Variants in LUC7L3 observed in about 807,000 individuals in gnomAD.
LUC7L3 encodes the protein luc7-like protein 3.
A neutral mutation model predicts 66.8 loss-of-function variants in LUC7L3; 6 were observed. The ratio of observed to expected loss-of-function variants is 0.09; its 90% CI spans 0.05 to 0.18. The LOEUF (loss-of-function observed/expected upper bound fraction) is 0.18. Ranked by LOEUF, LUC7L3 falls within the 10% of genes least tolerant of loss-of-function variation. The pLI is 1.00. For missense variants in LUC7L3, 341 were observed against 531.1 expected, an observed-to-expected ratio of 0.64 and a Z score of 3.52; for synonymous variants, 160 against 174.7, an observed-to-expected ratio of 0.92 and a Z score of 0.66.
chr17:50,725,834 C>T (rs759700306), intron 1 of LUC7L3, among the ~76,000 whole-genome samples: 1 of 152,094 alleles, frequency 6.6e-6, no homozygotes, highest in Non-Finnish European at 1.5e-5. Context: ...AAAATACATA[C>T]GAATCATAAA....
At position 50,743,810 on chromosome 17, in the gene LUC7L3, G is replaced by C. The variant is rs1463673391; in HGVS notation, c.531G>C (p.Ser177=). ...EERELLRSTT[S]TIESFAAQEK... The stretch of plus-strand genomic sequence containing the variant: ...GAGAACTGCTAAGGTCCACAACGTC[G>C]GTGAGTAAACCTTATTTCACATTAT... The change falls in exon 6 of 10, where the codon TCG becomes TCC. Residue 177 remains serine (S), a splice_region_variant and synonymous_variant. Coordinates refer to ENST00000505658, the MANE Select transcript of LUC7L3 (RefSeq NM_016424.5). 1 of 1,602,248 alleles carries C rather than the reference G, an allele frequency of 6.2e-7. No homozygotes were observed. The highest frequency in any genetic ancestry group is 8.5e-7 in the Non-Finnish European group (1 of 1,170,498).
chr17:50,744,518 C>A, intron 6 of LUC7L3, 134 bp from the exon 7 acceptor site: 1 of 769,936 alleles, frequency 1.3e-6, no homozygotes, highest in South Asian at 2.0e-5. Flanking sequence ...CACTTGTAGT[C>A]CAATATTACT....
chr17:50,745,849 G>A lies in LUC7L3; in HGVS notation c.823G>A (p.Glu275Lys), dbSNP rs2146769675. Residue 275 changes from glutamate to lysine, a missense_variant, in exon 8 of 10, where the codon GAA becomes AAA. By Grantham distance (56) the Glu-to-Lys change is moderately conservative. This residue lies in a region of LUC7L3 where 210 missense variants were observed against 238.1 expected (regional missense o/e 0.88). Transcript: ENST00000505658. The part of the protein sequence containing the change: ...REERERKRRR[E>K]EEEREKERAR... ...AGAAAGAGAAAGGAAAAGACGAAGG[G>A]AAGAGGAAGAAAGAGAAAAAGAAAG... 6.3e-7 allele frequency: 1 copy of A among 1,591,834 alleles called. No individual in the cohort carries two copies. Among genetic ancestry groups the A allele is most frequent in the Non-Finnish European group, 8.6e-7 (1 of 1,163,726 alleles).
At chr17:50,743,425 T>C (rs574775011) in intron 5 of LUC7L3, among the ~76,000 whole-genome samples, 52 of 152,058 alleles carry the variant, frequency 3.4e-4, no homozygotes, top group South Asian at 1.5e-3. Flanking sequence ...AGGCTGGTCT[T>C]GAATTCCTGA....
At chr17:50,720,474 C>G (rs1233755064) in intron 1 of LUC7L3, among the ~76,000 whole-genome samples, 6 of 152,202 alleles carry the variant, frequency 3.9e-5, no homozygotes, top group African/African-American at 1.4e-4. Context: ...ACCCCAGTTT[C>G]ACTGGTGAGA....
intron 1 of LUC7L3, among the ~76,000 whole-genome samples, chr17:50,733,269 A>G (rs959485171): frequency 2.0e-5 from 3 of 150,944 alleles, no homozygotes; most frequent in African/African-American, 7.3e-5. Flanking sequence ...TTTGAGACAG[A>G]GTCTCGCTCT....
At chr17:50,727,743 T>C (rs1261009668) in intron 1 of LUC7L3, among the ~76,000 whole-genome samples, 1 of 152,166 alleles carries the variant, frequency 6.6e-6, no homozygotes. Context: ...AAATTTTAAA[T>C]AGTATTGTAG....
chr17:50,736,600 C>A, intron 1 of LUC7L3: 1 of 197,640 alleles, frequency 5.1e-6, no homozygotes, highest in Non-Finnish European at 1.0e-5. Context: ...GTAAATAGGC[C>A]CTAATCTATG....
intron 1 of LUC7L3, among the ~76,000 whole-genome samples, chr17:50,730,230 C>G (rs1354645361): frequency 6.6e-6 from 1 of 151,872 alleles, no homozygotes; most frequent in African/African-American, 2.4e-5. Flanking sequence ...CCTCAGCCTC[C>G]CAAAGTGCTG....
At chr17:50,728,600 C>T (rs528455709) in intron 1 of LUC7L3, among the ~76,000 whole-genome samples, 49 of 152,168 alleles carry the variant, frequency 3.2e-4, no homozygotes, top group Admixed American at 6.5e-4. Flanking sequence ...TTGTCTAGGC[C>T]GGAGTGCAGT....
intron 1 of LUC7L3, among the ~76,000 whole-genome samples, chr17:50,731,891 C>T (rs1166732816): frequency 2.6e-5 from 4 of 152,120 alleles, no homozygotes; most frequent in African/African-American, 9.7e-5. Context: ...GACAGGTCTA[C>T]GGAAACCTAC....
chr17:50,722,329 C>G (rs545475221), intron 1 of LUC7L3: 34 of 151,318 alleles, frequency 2.2e-4, no homozygotes, highest in African/African-American at 6.6e-4. Context: ...TCCCCAGTAG[C>G]TGGAACTACA....
intron 1 of LUC7L3, among the ~76,000 whole-genome samples, chr17:50,736,108 G>A (rs1969969597): frequency 6.6e-6 from 1 of 152,206 alleles, no homozygotes; most frequent in Non-Finnish European, 1.5e-5. Flanking sequence ...GCTCTAGCCT[G>A]GGCAACAGAG....
Position 50,751,472 on chromosome 17 carries a change from C to A in LUC7L3, c.*811C>A. 1 of 1,219,296 alleles carries A rather than the reference C, an allele frequency of 8.2e-7. No homozygotes were observed. 75.5% of individuals were successfully genotyped at this position (1,219,296 alleles called of 1,614,324 possible). On this transcript the variant is annotated 3_prime_UTR_variant, in exon 10 of 10. Transcript: ENST00000505658. ...TCTTTTTTGTTCTTTACAAGAAGTG[C>A]AGAGGGGTTTTTTGTGTATTGCGTG...
intron 9 of LUC7L3, chr17:50,749,457 G>GGTA (rs1970871061): frequency 1.1e-6 from 1 of 918,350 alleles, no homozygotes; most frequent in Non-Finnish European, 1.4e-6. Flanking sequence ...CAAGTGTTAC[G>GGTA]GACTAAATAT....
Position 50,750,609 on chromosome 17 carries a change from T to C in LUC7L3, c.1247T>C (p.Val416Ala). ...ESKESDTKNE[V>A]NGTSEDIKSE... ...AAGGAAAGTGATACTAAGAATGAGGTCAATGGGACCAGTGAAGACATTAAA... is the reference window on the plus strand; with the variant it reads ...AAGGAAAGTGATACTAAGAATGAGGCCAATGGGACCAGTGAAGACATTAAA... Residue 416 changes from valine (V) to alanine (A), a missense_variant, in exon 10 of 10, where the codon GTC (valine) becomes GCC (alanine). Physicochemically the swap from Val to Ala is moderately conservative, Grantham distance 64. This residue lies in a region of LUC7L3 where 210 missense variants were observed against 238.1 expected (regional missense o/e 0.88). Coordinates refer to ENST00000505658, the MANE Select transcript of LUC7L3 (RefSeq NM_016424.5). 6.2e-7 allele frequency: 1 copy of C among 1,613,938 alleles called. No individual in the cohort carries two copies. Among genetic ancestry groups the C allele is most frequent in the African/African-American group, 1.3e-5 (1 of 74,976 alleles).
intron 2 of LUC7L3, chr17:50,737,429 G>A (rs189799087): frequency 9.9e-4 from 425 of 427,612 alleles, no homozygotes; most frequent in African/African-American, 7.9e-3. Context: ...AAACAGAAGC[G>A]AGTGTTTGAT....
Position 50,755,453 on chromosome 17 carries a change from C to A in LUC7L3, c.*4792C>A, listed in dbSNP as rs557314503. 2.0e-5 allele frequency: 3 copies of A among 152,098 alleles called. No individual in the cohort carries two copies. Among genetic ancestry groups the A allele is most frequent in the Non-Finnish European group, 2.9e-5 (2 of 68,020 alleles). The allele number at this position is 152,098 out of a possible 1,614,324, so 9.4% of individuals were successfully genotyped here. Reference sequence around the variant, plus strand: ...TAAAGGAGAGCACTTTTAAGTTGAACCTGTAGTTTTAAAAAGTACATTTCA... The same window carrying A: ...TAAAGGAGAGCACTTTTAAGTTGAAACTGTAGTTTTAAAAAGTACATTTCA... On this transcript the variant is annotated 3_prime_UTR_variant, in exon 10 of 10. Transcript: ENST00000505658.
intron 1 of LUC7L3, among the ~76,000 whole-genome samples, chr17:50,734,645 C>G (rs1233695401): frequency 6.6e-6 from 1 of 152,096 alleles, no homozygotes; most frequent in Non-Finnish European, 1.5e-5. Context: ...CACCACTGTG[C>G]CCAGCTGCAA....
Sources: allele counts gnomAD v4.1 joint callset (sites outside exome capture counted in the v4.1 genomes callset), GRCh38; gene constraint gnomAD v4.1.1; regional missense constraint gnomAD v4.1.1; transcripts MANE v1.5; gene names NCBI Gene and HGNC (gene_info 2026-07-23, HGNC 2026-07-21).